GSDMA: variants seen among roughly 807,000 people sequenced by gnomAD.
GSDMA encodes the protein gasdermin A.
Under a neutral mutation model 54.3 loss-of-function variants are expected in GSDMA, and 55 were observed. The observed-to-expected ratio is 1.01, with a 90% CI of 0.82 to 1.27. The LOEUF (loss-of-function observed/expected upper bound fraction) is 1.27. Ranked by LOEUF, GSDMA falls within the 50% of genes most tolerant of loss-of-function variation. The pLI, the probability that GSDMA is intolerant of heterozygous loss-of-function variation, is 0.00. For synonymous variants in GSDMA, 211 were observed against 224.7 expected, an observed-to-expected ratio of 0.94 and a Z score of 0.54; for missense variants, 542 against 542.6, an observed-to-expected ratio of 1.00 and a Z score of 0.01.
chr17:39,965,700 GA>G lies in GSDMA; in HGVS notation c.17del (p.Asn6MetfsTer10). On this transcript the variant is annotated frameshift_variant, in exon 2 of 12. Coordinates refer to ENST00000301659, the MANE Select transcript of GSDMA (RefSeq NM_178171.5). LOFTEE classifies it high-confidence loss of function. ...CTCCACAGAGACAATGACCATGTTT[GA>G]AAATGTCACCCGGGCCCTGGCCAGA... is the stretch of plus-strand genomic sequence containing the variant. MTMF[E>X]NVTRALARQL... is the part of the protein sequence containing the mutation. The G allele has an allele frequency of 6.2e-7, 1 of 1,606,080 alleles. No homozygotes were observed. Among genetic ancestry groups the G allele is most frequent in the Non-Finnish European group, 8.5e-7 (1 of 1,176,408 alleles).
At chr17:39,970,802 T>C (rs1430489414) in intron 4 of GSDMA, among the ~76,000 whole-genome samples, 155 bp downstream of exon 4, 1 of 150,876 alleles carries the variant, frequency 6.6e-6, no homozygotes, top group Non-Finnish European at 1.5e-5. Context: ...TTCCCCCGGC[T>C]CTTAAAGATC....
rs370430499 is a variant in GSDMA, at chr17:39,965,771, C to T, written c.84C>T (p.Ile28=). 20 of 1,610,684 alleles carry T rather than the reference C, an allele frequency of 1.2e-5. No homozygotes were observed. The highest frequency in any genetic ancestry group is 4.5e-5 in the East Asian group (2 of 44,730). The change falls in exon 2 of 12, where the codon ATC becomes ATT. Residue 28 remains isoleucine (I), a synonymous_variant. Coordinates refer to ENST00000301659, the MANE Select transcript of GSDMA (RefSeq NM_178171.5). ...ACCTGACACCACTTGACAGCCTCAT[C>T]GACTTCAAGCGCTTCCATCCCTTCT... ...RGDLTPLDSL[I]DFKRFHPFCL... is the part of the protein sequence containing the mutation.
At chr17:39,970,694 C>G in intron 4 of GSDMA, 47 bp downstream of exon 4, 1 of 1,367,446 alleles carries the variant, frequency 7.3e-7, no homozygotes, top group Non-Finnish European at 9.5e-7. Context: ...CTCTCACACT[C>G]ACACTCACAC....
chr17:39,976,869 C>T lies in GSDMA; in HGVS notation c.1149C>T (p.Pro383=). The change falls in exon 12 of 12, where the codon CCC becomes CCT. Residue 383 remains proline, a synonymous_variant. Transcript: ENST00000301659. ...TGCTGGATAAAGAGGGTGTTTTCCC[C>T]CTGCAACCTGAGCTGCTCTCCTCCC... ...NFLLDKEGVF[P]LQPELLSSLG... 2 of 1,613,962 alleles carry T rather than the reference C, an allele frequency of 1.2e-6. No homozygotes were observed. Among genetic ancestry groups the T allele is most frequent in the Non-Finnish European group, 1.7e-6 (2 of 1,179,878 alleles).
At chr17:39,964,277 C>A (rs1008911865) in intron 1 of GSDMA, among the ~76,000 whole-genome samples, 2 of 152,046 alleles carry the variant, frequency 1.3e-5, no homozygotes, top group African/African-American at 2.4e-5. Flanking sequence ...CATCAAAATG[C>A]CTGGATCCTG....
intron 6 of GSDMA, 23 bp downstream of exon 6, chr17:39,972,199 T>A: frequency 6.7e-7 from 1 of 1,501,998 alleles, no homozygotes; most frequent in Non-Finnish European, 9.2e-7. Flanking sequence ...GCTTACGGGC[T>A]TCCCACATCT....
rs375638354 is a variant in GSDMA at position 39,970,593 on chromosome 17, C to A, written c.504C>A (p.Ala168=). 1.2e-6 allele frequency: 2 copies of A among 1,600,392 alleles called. No homozygotes were observed. The highest frequency in any genetic ancestry group is 1.7e-6 in the Non-Finnish European group (2 of 1,173,214). ...TGCAGGAGGTCACACTGGAGCGAGC[C>A]GGCAAGGCAGAGGCCTGCTTCTCCC... ...ETVQEVTLER[A]GKAEACFSLP... is the part of the protein sequence containing the mutation. The change falls in exon 4 of 12, where the codon GCC becomes GCA. Residue 168 remains alanine (A), a synonymous_variant. Transcript: ENST00000301659.
intron 11 of GSDMA, 115 bp from the exon 12 acceptor site, chr17:39,976,701 A>C: frequency 5.1e-6 from 7 of 1,379,714 alleles, no homozygotes; most frequent in Non-Finnish European, 7.0e-6. Context: ...GTTGTAATGT[A>C]AGGTAAAGTA....
At chr17:39,976,275 A>C (rs112106166) in intron 11 of GSDMA, among the ~76,000 whole-genome samples, 233 of 88,872 alleles carry the variant, frequency 2.6e-3, no homozygotes, top group Non-Finnish European at 4.1e-3. Flanking sequence ...ATTGTAAGCA[A>C]ATTTTTTTTT....
At chr17:39,967,102 C>A (rs577494722) in intron 3 of GSDMA, among the ~76,000 whole-genome samples, 1 of 152,304 alleles carries the variant, frequency 6.6e-6, no homozygotes, top group Non-Finnish European at 1.5e-5. Context: ...AGTCATCCAG[C>A]AAGCATGTAT....
chr17:39,977,538 C>CACATTA lies in GSDMA; in HGVS notation c.*480_*481insACATTA. 1 of 154,864 alleles carries CACATTA rather than the reference C, an allele frequency of 6.5e-6. No individual in the cohort carries two copies. The highest frequency in any genetic ancestry group is 1.4e-5 in the Non-Finnish European group (1 of 69,770). 9.6% of individuals were successfully genotyped at this position (154,864 alleles called of 1,614,324 possible). On this transcript the variant is annotated 3_prime_UTR_variant, in exon 12 of 12. Transcript: ENST00000301659. ...AACTCCTGGCCTCAAGTGATCTGCC[C>CACATTA]GCCTCGGCCTCCCAAAGTGCTGGGA...
chr17:39,969,370 T>G (rs1279780275), intron 3 of GSDMA, among the ~76,000 whole-genome samples: 1 of 144,000 alleles, frequency 6.9e-6, no homozygotes, highest in Non-Finnish European at 1.5e-5. Context: ...GAAAAAACTA[T>G]AGGAGTGAGT....
At chr17:39,966,565 G>T in intron 3 of GSDMA, 128 bp downstream of exon 3, 1 of 812,564 alleles carries the variant, frequency 1.2e-6, no homozygotes, top group Non-Finnish European at 1.9e-6. Context: ...CATGACAGGG[G>T]AGCTCTTGGA....
At position 39,965,715 on chromosome 17, in the gene GSDMA, G is replaced by T. The variant is rs750221781; in HGVS notation, c.28G>T (p.Ala10Ser). The T allele has an allele frequency of 1.2e-6, 2 of 1,609,834 alleles. No homozygotes were observed. Among genetic ancestry groups the T allele is most frequent in the Non-Finnish European group, 1.7e-6 (2 of 1,178,260 alleles). Residue 10 changes from alanine (A) to serine (S), a missense_variant, in exon 2 of 12, where the codon GCC (alanine) becomes TCC (serine). Ala to Ser is a moderately conservative substitution (Grantham distance 99). Coordinates refer to ENST00000301659, the MANE Select transcript of GSDMA (RefSeq NM_178171.5). Reference sequence around the variant, plus strand: ...GACCATGTTTGAAAATGTCACCCGGGCCCTGGCCAGACAGCTAAACCCTCG... The same window carrying T: ...GACCATGTTTGAAAATGTCACCCGGTCCCTGGCCAGACAGCTAAACCCTCG... MTMFENVTR[A>S]LARQLNPRGD...
intron 4 of GSDMA, among the ~76,000 whole-genome samples, chr17:39,970,956 G>A (rs923135995): frequency 1.3e-5 from 2 of 152,206 alleles, no homozygotes; most frequent in African/African-American, 4.8e-5. Context: ...CCAAAGAGGA[G>A]ACATCTTTAC....
chr17:39,968,678 G>A (rs561170613), intron 3 of GSDMA, among the ~76,000 whole-genome samples: 13 of 152,064 alleles, frequency 8.5e-5, no homozygotes, highest in East Asian at 1.9e-4. Context: ...CATGAGCAAC[G>A]AAAACTGAGG....
chr17:39,975,860 T>C (rs1980174698), intron 10 of GSDMA, 64 bp from the exon 11 acceptor site: 10 of 1,202,322 alleles, frequency 8.3e-6, no homozygotes, highest in Middle Eastern at 1.9e-4. Flanking sequence ...GGAAGTGCGC[T>C]ATTTGGAGGC....
chr17:39,974,184 G>A, intron 8 of GSDMA, 89 bp from the exon 9 acceptor site: 2 of 1,352,400 alleles, frequency 1.5e-6, no homozygotes, highest in South Asian at 1.5e-5. Context: ...ACCTAAAGGG[G>A]GCTGAGTGTA....
chr17:39,963,860 G>GA (rs894582142), intron 1 of GSDMA, among the ~76,000 whole-genome samples: 7 of 149,030 alleles, frequency 4.7e-5, no homozygotes, highest in African/African-American at 1.7e-4. Context: ...ATCTCAAAAA[G>GA]AAAAAAAAAA....
Sources: gnomAD v4.1 joint callset for allele counts (sites outside exome capture counted in the v4.1 genomes callset) on GRCh38, gnomAD v4.1.1 for gene constraint, MANE v1.5 for transcripts, NCBI Gene and HGNC (gene_info 2026-07-23, HGNC 2026-07-21) for gene names.